The following KCNIP4 variants were observed in gnomAD, a reference collection of about 807,000 sequenced individuals.
The protein encoded by KCNIP4 is potassium voltage-gated channel interacting protein 4.
In KCNIP4, 12 loss-of-function variants were observed where a neutral mutation model predicts 34.0. The ratio of observed to expected loss-of-function variants is 0.35; its 90% CI spans 0.23 to 0.57. The LOEUF (loss-of-function observed/expected upper bound fraction) is 0.57, where lower values mean the gene tolerates loss of function less well. KCNIP4 is among the 20% of genes least tolerant of loss of function. The probability of loss-of-function intolerance (pLI) is 0.83; values close to 1 mark genes in which losing one functional copy is unlikely to be tolerated. For synonymous variants in KCNIP4, 124 were observed against 102.2 expected (o/e 1.21, Z -1.29); for missense variants, 238 against 311.7 (o/e 0.76, Z 1.78).
chr4:21,243,741 A>C (rs1049737812), intron 1 of KCNIP4, among the ~76,000 whole-genome samples: 1 of 152,214 alleles, frequency 6.6e-6, no homozygotes. Context: ...TAGTGATATG[A>C]AGCTGTTCAT....
At chr4:21,153,855 T>C (rs938266800) in intron 1 of KCNIP4, among the ~76,000 whole-genome samples, 3 of 152,040 alleles carry the variant, frequency 2.0e-5, no homozygotes, top group Admixed American at 6.6e-5. Context: ...TTTCATCAGG[T>C]ATATCCACTC....
chr4:20,876,191 A>T (rs1272723890), intron 2 of KCNIP4, among the ~76,000 whole-genome samples: 2 of 152,202 alleles, frequency 1.3e-5, no homozygotes, highest in Non-Finnish European at 2.9e-5. Flanking sequence ...AAATATACAG[A>T]TAATCAAGTG....
intron 1 of KCNIP4, among the ~76,000 whole-genome samples, chr4:21,838,589 A>C (rs1172405620): frequency 2.0e-5 from 3 of 152,196 alleles, no homozygotes; most frequent in Non-Finnish European, 4.4e-5. Context: ...ATGACCACAC[A>C]ACACTTTTAT....
At position 21,235,949 on chromosome 4, in the gene KCNIP4, G is replaced by A. The variant is rs565300891; in HGVS notation, c.62-353240C>T. Among the ~76,000 whole-genome samples the A allele has an allele frequency of 5.3e-5, 8 of 152,162 alleles. No individual in the cohort carries two copies. The East Asian group carries it at 9.7e-4, about 18-fold the overall frequency. On this transcript the variant is annotated intron_variant, in intron 1 of 8. Transcript: ENST00000382152. ...AGGAGAAAATTGAACATATCAGTTG[G>A]AAATATGTATAGGTTCTGACCTAGA...
At chr4:20,864,271 C>T (rs545412931) in intron 2 of KCNIP4, among the ~76,000 whole-genome samples, 3 of 150,796 alleles carry the variant, frequency 2.0e-5, no homozygotes, top group Non-Finnish European at 4.4e-5. Flanking sequence ...TATGTATGTA[C>T]ACATATGTAT....
chr4:21,536,714 A>G (rs1017460469), intron 1 of KCNIP4, among the ~76,000 whole-genome samples: 2 of 151,932 alleles, frequency 1.3e-5, no homozygotes, highest in Non-Finnish European at 2.9e-5. Context: ...TCAGGAAACA[A>G]GGGTTGCAGT....
Position 20,846,426 on chromosome 4 carries a change from C to T in KCNIP4, c.288+4117G>A, listed in dbSNP as rs866260444. Among the ~76,000 whole-genome samples, 9 of 152,222 alleles carry T rather than the reference C, an allele frequency of 5.9e-5. No individual in the cohort carries two copies. The East Asian group carries it at 9.7e-4, about 16-fold the overall frequency. On this transcript the variant is annotated intron_variant, in intron 3 of 8. Transcript: ENST00000382152. ...ATTGAACTGAAGCTATAACTGGTTTCGAAAGAGTGCAGCAAAGCAAGATTA... is the reference window on the plus strand; with the variant it reads ...ATTGAACTGAAGCTATAACTGGTTTTGAAAGAGTGCAGCAAAGCAAGATTA...
intron 1 of KCNIP4, among the ~76,000 whole-genome samples, chr4:21,203,980 G>A (rs1756674269): frequency 6.6e-6 from 1 of 152,158 alleles, no homozygotes; most frequent in South Asian, 2.1e-4. Flanking sequence ...ACACCTACTA[G>A]TGTTGTAGAT....
At chr4:21,483,009 A>G (rs552805949) in intron 1 of KCNIP4, among the ~76,000 whole-genome samples, 154 of 144,180 alleles carry the variant, frequency 1.1e-3, no homozygotes, top group African/African-American at 3.6e-3. Flanking sequence ...CAAACACCGC[A>G]TAGGTGGGAA....
chr4:21,142,133 A>G (rs376445121), intron 1 of KCNIP4, among the ~76,000 whole-genome samples: 4 of 140,530 alleles, frequency 2.8e-5, no homozygotes, highest in African/African-American at 8.0e-5. Flanking sequence ...CCTGGGCGAC[A>G]GTGCGAGACA....
At chr4:20,973,518 T>C (rs1735179106) in intron 1 of KCNIP4, among the ~76,000 whole-genome samples, 1 of 152,262 alleles carries the variant, frequency 6.6e-6, no homozygotes, top group African/African-American at 2.4e-5. Context: ...TTTCTCATTC[T>C]TCACGTGTTC....
chr4:20,762,258 T>C lies in KCNIP4; in HGVS notation c.289-3368A>G, dbSNP rs1755018317. Among the ~76,000 whole-genome samples the C allele has an allele frequency of 2.6e-5, 4 of 152,270 alleles. No homozygotes were observed. In the South Asian group the frequency reaches 8.3e-4, roughly 32 times the overall value. Reference sequence around the variant, plus strand: ...GGTCTTTTATAAAAGGACACTTATCTAATTCATGAAGTCTCTGTCCACCTG... The same window carrying C: ...GGTCTTTTATAAAAGGACACTTATCCAATTCATGAAGTCTCTGTCCACCTG... On this transcript the variant is annotated intron_variant, in intron 3 of 8. Transcript: ENST00000382152.
intron 2 of KCNIP4, among the ~76,000 whole-genome samples, chr4:20,861,956 C>T (rs1455123888): frequency 1.4e-5 from 2 of 144,294 alleles, no homozygotes; most frequent in South Asian, 2.3e-4. Flanking sequence ...CATGAATGGC[C>T]CCTTATGGTA....
chr4:21,188,293 C>T (rs888994925), intron 1 of KCNIP4, among the ~76,000 whole-genome samples: 1 of 152,074 alleles, frequency 6.6e-6, no homozygotes, highest in Non-Finnish European at 1.5e-5. Context: ...TTCAAAGCAG[C>T]AATCTCTTGA....
intron 3 of KCNIP4, among the ~76,000 whole-genome samples, chr4:20,813,188 G>A (rs1352950313): frequency 2.6e-5 from 4 of 152,126 alleles, no homozygotes; most frequent in African/African-American, 9.7e-5. Flanking sequence ...ATGGCAGGAA[G>A]CTAATGAAAT....
chr4:21,024,327 G>A (rs1490163849), intron 1 of KCNIP4, among the ~76,000 whole-genome samples: 1 of 152,130 alleles, frequency 6.6e-6, no homozygotes, highest in Non-Finnish European at 1.5e-5. Flanking sequence ...TCTAGTTCAA[G>A]GCAATTAATG....
At chr4:21,250,668 G>A (rs1036008855) in intron 1 of KCNIP4, among the ~76,000 whole-genome samples, 4 of 151,966 alleles carry the variant, frequency 2.6e-5, no homozygotes, top group Non-Finnish European at 4.4e-5. Flanking sequence ...ATTGGCTGGC[G>A]ATTTTATGGG....
chr4:21,845,822 A>G (rs1723980494), intron 1 of KCNIP4: 1 of 152,058 alleles, frequency 6.6e-6, no homozygotes, highest in African/African-American at 2.4e-5. Context: ...TCGACTTTGA[A>G]ATATCTTAGT....
intron 1 of KCNIP4, among the ~76,000 whole-genome samples, chr4:21,870,663 CT>C (rs1291139152): frequency 6.6e-6 from 1 of 152,188 alleles, no homozygotes; most frequent in African/African-American, 2.4e-5. Flanking sequence ...TCAGAGTATA[CT>C]TTTGTTTTCC....
Sources: gnomAD v4.1 joint callset for allele counts (sites outside exome capture counted in the v4.1 genomes callset) on GRCh38, gnomAD v4.1.1 for gene constraint, MANE v1.5 for transcripts, NCBI Gene and HGNC (gene_info 2026-07-23, HGNC 2026-07-21) for gene names.